DNAH2: variants seen among roughly 807,000 people sequenced by gnomAD.
DNAH2 encodes axonemal beta dynein heavy chain 2.
DNAH2 carries 323 observed loss-of-function variants against 523.5 expected under a neutral mutation model. The observed-to-expected ratio is 0.62, with a 90% CI of 0.56 to 0.68. The LOEUF is 0.68. Among genes scored for constraint, DNAH2 ranks in the 30% least tolerant of loss-of-function variants. The probability of loss-of-function intolerance (pLI) is 0.00; values close to 1 mark genes in which losing one functional copy is unlikely to be tolerated. For synonymous variants in DNAH2, 2,093 were observed against 2,177.4 expected (o/e 0.96, Z 1.08); for missense variants, 4,907 against 5,701.5 (o/e 0.86, Z 4.49).
Position 7,719,786 on chromosome 17 carries a change from C to T in DNAH2, c.52C>T (p.Gln18Ter). ...GCGATTGAGTGGCCGAGGAAGCTCC[C>T]AGGCAAGCTGGTCAGGGCGGGCCAC... ...KQRLSGRGSS[Q>*]ASWSGRATRA... Residue 18 changes from glutamine to a stop codon, truncating the protein, a stop_gained, in exon 2 of 86, where the codon CAG becomes TAG. Coordinates refer to ENST00000572933, the MANE Select transcript of DNAH2 (RefSeq NM_020877.5). LOFTEE classifies it high-confidence loss of function. The T allele has an allele frequency of 6.2e-7, 1 of 1,614,178 alleles. No homozygotes were observed. Among genetic ancestry groups the T allele is most frequent in the Non-Finnish European group, 8.5e-7 (1 of 1,180,030 alleles).
chr17:7,765,422 A>G lies in DNAH2; in HGVS notation c.3368A>G (p.Glu1123Gly). Residue 1123 changes from glutamate to glycine, a missense_variant, in exon 21 of 86, where the codon GAG becomes GGG. Physicochemically the swap from Glu to Gly is moderately conservative, Grantham distance 98. This residue lies in a region of DNAH2 where 2,806 missense variants were observed against 3,190.8 expected (regional missense o/e 0.88). Transcript: ENST00000572933. ...VLEMLDSLNGEWVVFQQTLLD... is the reference protein window; with the variant it reads ...VLEMLDSLNGGWVVFQQTLLD... ...GAGATGCTGGACAGTCTCAACGGGG[A>G]GTGGGTTGTCTTCCAACAAACTCTG... 2 of 1,614,118 alleles carry G rather than the reference A, an allele frequency of 1.2e-6. No homozygotes were observed. The highest frequency in any genetic ancestry group is 1.7e-6 in the Non-Finnish European group (2 of 1,179,954).
chr17:7,764,664 G>T (rs748904087), intron 20 of DNAH2, among the ~76,000 whole-genome samples: 1 of 151,144 alleles, frequency 6.6e-6, no homozygotes, highest in Non-Finnish European at 1.5e-5. Context: ...GTCTCATTTT[G>T]TTGCCCAGGC....
chr17:7,727,311 C>G lies in DNAH2; in HGVS notation c.399+19C>G. ...TGTACAGGTGCGTACCCTACATTCC[C>G]AGATCAAAGGTGGTCCTACAGAGAG... On this transcript the variant is annotated intron_variant, in intron 4 of 85. Transcript: ENST00000572933. 6.3e-7 allele frequency: 1 copy of G among 1,595,130 alleles called. No homozygotes were observed. Among genetic ancestry groups the G allele is most frequent in the Non-Finnish European group, 8.5e-7 (1 of 1,173,266 alleles).
intron 44 of DNAH2, among the ~76,000 whole-genome samples, chr17:7,789,698 T>C (rs2076843050): frequency 6.6e-6 from 1 of 151,630 alleles, no homozygotes; most frequent in Middle Eastern, 3.2e-3. Context: ...TGCCTCAGCC[T>C]CCTGAGTAGC....
chr17:7,730,586 G>A (rs1252146939), intron 4 of DNAH2, among the ~76,000 whole-genome samples: 1 of 152,158 alleles, frequency 6.6e-6, no homozygotes, highest in Non-Finnish European at 1.5e-5. Flanking sequence ...CCCCTATGCG[G>A]TAATCCTGCT....
chr17:7,719,164 G>A (rs1297621227), intron 1 of DNAH2, among the ~76,000 whole-genome samples: 13 of 143,638 alleles, frequency 9.1e-5, no homozygotes, highest in Admixed American at 8.6e-4. Flanking sequence ...GTCTCACTCT[G>A]TCAGCCAGGC....
At position 7,817,871 on chromosome 17, in the gene DNAH2, G is replaced by T. The variant is rs573793426; in HGVS notation, c.10236+15G>T. ...AAGGAGGCCAGGTGTGAGGCTGGGG[G>T]GTCAGGTTAGCCCCCCCCTTCCTGA... On this transcript the variant is annotated intron_variant, in intron 67 of 85. Coordinates refer to ENST00000572933, the MANE Select transcript of DNAH2 (RefSeq NM_020877.5). 96 of 1,610,782 alleles carry T rather than the reference G, an allele frequency of 6.0e-5. 2 individuals carry two copies. In the South Asian group the frequency reaches 1.0e-3, roughly 17 times the overall value.
At position 7,828,321 on chromosome 17, in the gene DNAH2, T is replaced by C. The variant is rs1481202827; in HGVS notation, c.11854-1979T>C. Among the ~76,000 whole-genome samples, 2 of 152,200 alleles carry C rather than the reference T, an allele frequency of 1.3e-5. No homozygotes were observed. Among genetic ancestry groups the C allele is most frequent in the Non-Finnish European group, 2.9e-5 (2 of 68,042 alleles). ...TCTTCTTCAGGCTATTCTTGACCTTTTATTCTTCAATATAAATTTTAGAAT... is the reference window on the plus strand; with the variant it reads ...TCTTCTTCAGGCTATTCTTGACCTTCTATTCTTCAATATAAATTTTAGAAT... On this transcript the variant is annotated intron_variant, in intron 77 of 85. Transcript: ENST00000572933. This position sits in a 1 kb window ranked among gnomAD's most constrained non-coding sequence, Gnocchi z 4.1.
chr17:7,726,923 T>G (rs1597458789), intron 3 of DNAH2, among the ~76,000 whole-genome samples, 199 bp from the exon 4 acceptor site: 1 of 152,240 alleles, frequency 6.6e-6, no homozygotes, highest in Non-Finnish European at 1.5e-5. Context: ...TTTGTTTGTT[T>G]GTTTTATTAC....
chr17:7,823,756 G>C (rs1597782646), intron 74 of DNAH2, 78 bp from the exon 75 acceptor site: 4 of 1,583,454 alleles, frequency 2.5e-6, no homozygotes, highest in Non-Finnish European at 3.4e-6. Flanking sequence ...GCACATTCCC[G>C]GCAGGTGCCC....
At chr17:7,779,012 C>T (rs1457380820) in intron 35 of DNAH2, among the ~76,000 whole-genome samples, 1 of 152,198 alleles carries the variant, frequency 6.6e-6, no homozygotes, top group African/African-American at 2.4e-5. Flanking sequence ...AAGTTCCCTA[C>T]CCCAGTCTCT....
chr17:7,788,891 A>G (rs146591783), intron 44 of DNAH2, among the ~76,000 whole-genome samples: 3,720 of 152,274 alleles, frequency 0.024, 104 homozygotes, highest in African/African-American at 0.068. Flanking sequence ...GGGGCTGGGC[A>G]CGGTGGCTCA....
chr17:7,826,535 CTTTTTTTTT>C (rs35943055), intron 77 of DNAH2, among the ~76,000 whole-genome samples: 1 of 111,228 alleles, frequency 9.0e-6, no homozygotes, highest in Admixed American at 1.1e-4. Context: ...TGCCCATCAT[CTTTTTTTTT>C]TTTTTTTTTT....
Position 7,740,936 on chromosome 17 carries a change from T to G in DNAH2, c.1633T>G (p.Ser545Ala). Residue 545 changes from serine (S) to alanine (A), a missense_variant, in exon 11 of 86, where the codon TCC (serine) becomes GCC (alanine). Physicochemically the swap from Ser to Ala is moderately conservative, Grantham distance 99. Transcript: ENST00000572933. ...PDLEPYVAQY[S>A]GKARWVHILR... ...CCTGGAGCCCTACGTGGCCCAGTAT[T>G]CCGGAAAGGCGCGCTGGGTGCACAT... is the stretch of plus-strand genomic sequence containing the variant. 1 of 1,613,306 alleles carries G rather than the reference T, an allele frequency of 6.2e-7. No homozygotes were observed. The highest frequency in any genetic ancestry group is 8.5e-7 in the Non-Finnish European group (1 of 1,179,332).
At position 7,831,868 on chromosome 17, in the gene DNAH2, CAA is replaced by C. The variant is rs1323006800; in HGVS notation, c.12726+95_12726+96del. The C allele has an allele frequency of 1.4e-5, 16 of 1,171,392 alleles. No homozygotes were observed. The highest frequency in any genetic ancestry group is 1.7e-5 in the Non-Finnish European group (14 of 830,276). 72.6% of individuals were successfully genotyped at this position (1,171,392 alleles called of 1,614,324 possible). A position where few individuals can be genotyped will look rare whatever the true frequency, so the allele number is the denominator to read the frequency against. On this transcript the variant is annotated intron_variant, in intron 82 of 85. Coordinates refer to ENST00000572933, the MANE Select transcript of DNAH2 (RefSeq NM_020877.5). The surrounding 1 kb of genome is among the most constrained non-coding windows in gnomAD (Gnocchi z 4.2). The stretch of plus-strand genomic sequence containing the variant: ...CTCCTGGTTCTAGGTGGGCATAAAG[CAA>C]ACTGCAGAGAGCCGAAACTTTGAAG...
At chr17:7,803,657 G>A (rs903602766) in intron 58 of DNAH2, among the ~76,000 whole-genome samples, 2 of 150,522 alleles carry the variant, frequency 1.3e-5, no homozygotes, top group South Asian at 2.1e-4. Context: ...GTGACAGATC[G>A]AGACTCCGTC....
chr17:7,817,216 G>C, intron 64 of DNAH2, 74 bp from the exon 65 acceptor site: 1 of 1,535,138 alleles, frequency 6.5e-7, no homozygotes, highest in Admixed American at 2.3e-5. Flanking sequence ...AGAAGAGGGT[G>C]CCTTCAAAAG....
At chr17:7,765,350 C>A (rs200422383) in intron 20 of DNAH2, 41 bp from the exon 21 acceptor site, 1 of 1,579,738 alleles carries the variant, frequency 6.3e-7, no homozygotes, top group South Asian at 1.2e-5. Context: ...AGAGGGCAGA[C>A]CTCCTGCTCC....
chr17:7,779,521 GTA>G, intron 36 of DNAH2, 98 bp downstream of exon 36: 1 of 1,298,878 alleles, frequency 7.7e-7, no homozygotes, highest in South Asian at 1.4e-5. Context: ...CCATGCGAAT[GTA>G]TATAGCTAAG....
Sources: gnomAD v4.1 joint callset for allele counts (sites outside exome capture counted in the v4.1 genomes callset) on GRCh38, gnomAD v4.1.1 for gene constraint, gnomAD v4.1.1 regional missense constraint, Gnocchi (gnomAD v3.1) non-coding constraint, MANE v1.5 for transcripts, NCBI Gene and HGNC (gene_info 2026-07-23, HGNC 2026-07-21) for gene names.